Variants in MGST2 observed in about 807,000 individuals in gnomAD.
The protein encoded by MGST2 is glutathione peroxidase MGST2.
Under a neutral mutation model 16.6 loss-of-function variants are expected in MGST2, and 9 were observed. The ratio of observed to expected loss-of-function variants is 0.54; its 90% confidence interval spans 0.33 to 0.95. The LOEUF is 0.95. Among genes scored for constraint, MGST2 ranks in the 40% least tolerant of loss-of-function variants. MGST2 has a pLI of 0.03. For missense variants in MGST2, 159 were observed against 175.1 expected (o/e 0.91, Z 0.52); for synonymous variants, 79 against 68.0 (o/e 1.16, Z -0.79).
intron 5 of MGST2, among the ~76,000 whole-genome samples, chr4:139,738,523 C>T (rs1292813639): frequency 6.6e-6 from 1 of 152,054 alleles, no homozygotes; most frequent in Non-Finnish European, 1.5e-5. Flanking sequence ...AGCCTGGGCA[C>T]AATACAGCGA....
chr4:139,745,701 A>C (rs1199525789), downstream of MGST2, among the ~76,000 whole-genome samples: 1 of 152,220 alleles, frequency 6.6e-6, no homozygotes, highest in East Asian at 1.9e-4. Flanking sequence ...ATCAGGTAAA[A>C]ATAATGCTAG....
At chr4:139,728,535 T>C (rs1728568594) in intron 5 of MGST2, among the ~76,000 whole-genome samples, 1 of 152,316 alleles carries the variant, frequency 6.6e-6, no homozygotes, top group African/African-American at 2.4e-5. Context: ...TAGTGGTTTT[T>C]CCAAAATCAC....
At chr4:139,754,406 C>T in the MGST2 span, among the ~76,000 whole-genome samples, 8 of 152,198 alleles carry the variant, frequency 5.3e-5, no homozygotes, top group Non-Finnish European at 8.8e-5. Flanking sequence ...CAATGTATTT[C>T]CAACCAAAAC....
chr4:139,676,055 T>G (rs1367989696), intron 1 of MGST2, among the ~76,000 whole-genome samples: 1 of 152,144 alleles, frequency 6.6e-6, no homozygotes, highest in Non-Finnish European at 1.5e-5. Context: ...TTTGCTCTCT[T>G]TAGTGGCCCC....
At chr4:139,693,950 C>G (rs1726767997) in intron 2 of MGST2, among the ~76,000 whole-genome samples, 1 of 152,148 alleles carries the variant, frequency 6.6e-6, no homozygotes, top group South Asian at 2.1e-4. Context: ...TAAAATTTTC[C>G]ATACGTGCTT....
chr4:139,688,440 C>T (rs1463530911), intron 2 of MGST2, among the ~76,000 whole-genome samples: 1 of 152,112 alleles, frequency 6.6e-6, no homozygotes, highest in African/African-American at 2.4e-5. Context: ...CCACAAGGCA[C>T]AGGTAAGCCT....
intron 5 of MGST2, chr4:139,731,434 C>CT (rs2110991894): frequency 4.5e-5 from 1 of 22,434 alleles, no homozygotes. Context: ...CCTGTCTCTA[C>CT]TAAAAAAAAA....
intron 5 of MGST2, chr4:139,725,718 G>A (rs1481189574): frequency 1.3e-6 from 2 of 1,595,894 alleles, no homozygotes. Context: ...ACCACTGGAA[G>A]GTATAAAATG....
intron 5 of MGST2, among the ~76,000 whole-genome samples, chr4:139,733,677 A>G (rs1223144008): frequency 1.3e-5 from 2 of 151,700 alleles, no homozygotes; most frequent in African/African-American, 2.4e-5. Flanking sequence ...GAAGGGCTGT[A>G]TGTATTATTT....
downstream of MGST2, among the ~76,000 whole-genome samples, chr4:139,743,769 C>A (rs1435271994): frequency 6.6e-6 from 1 of 152,188 alleles, no homozygotes; most frequent in Non-Finnish European, 1.5e-5. Flanking sequence ...AACACTACCT[C>A]TTAATCATAT....
At chr4:139,745,824 A>G in the MGST2 span, among the ~76,000 whole-genome samples, 3 of 152,260 alleles carry the variant, frequency 2.0e-5, no homozygotes, top group African/African-American at 7.2e-5. Flanking sequence ...CAGTAGGTAT[A>G]TACTGTGAAT....
At chr4:139,710,112 G>T (rs999892092) in intron 5 of MGST2, among the ~76,000 whole-genome samples, 4 of 152,192 alleles carry the variant, frequency 2.6e-5, no homozygotes, top group Non-Finnish European at 5.9e-5. Flanking sequence ...GGTTGGAGGT[G>T]GGTGGGGTAT....
At chr4:139,669,165 G>T (rs1336191845) in intron 1 of MGST2, among the ~76,000 whole-genome samples, 1 of 152,120 alleles carries the variant, frequency 6.6e-6, no homozygotes, top group Non-Finnish European at 1.5e-5. Context: ...CGTTTTTTAG[G>T]TTAACTTTGG....
chr4:139,666,370 C>T (rs1579278912), intron 1 of MGST2, among the ~76,000 whole-genome samples: 1 of 152,092 alleles, frequency 6.6e-6, no homozygotes, highest in African/African-American at 2.4e-5. Context: ...TCTGTGATTA[C>T]GACCCACAGC....
chr4:139,667,397 G>A (rs1730422948), intron 1 of MGST2, among the ~76,000 whole-genome samples: 1 of 150,798 alleles, frequency 6.6e-6, no homozygotes, highest in Admixed American at 6.7e-5. Context: ...GTCCACAGAT[G>A]TCCCAAAGCT....
In MGST2 at chr4:139,703,366, T is replaced by C. The variant is rs549315819; in HGVS notation, c.230-89T>C. ...TAAGTATCTTGTCCAATATATGTTT[T>C]GTGAATATTTTCTCAGTCGTCGTAC... On this transcript the variant is annotated intron_variant, in intron 3 of 4. Transcript: ENST00000265498. 4 of 1,065,990 alleles carry C rather than the reference T, an allele frequency of 3.8e-6. No individual in the cohort carries two copies. The African/African-American group carries it at 6.2e-5, about 17-fold the overall frequency. The allele number at this position is 1,065,990 out of a possible 1,614,324, so 66.0% of individuals were successfully genotyped here.
chr4:139,682,085 A>G (rs1204011615), intron 2 of MGST2, among the ~76,000 whole-genome samples: 6 of 152,054 alleles, frequency 3.9e-5, no homozygotes, highest in Admixed American at 3.9e-4. Flanking sequence ...AGTCCTAGCT[A>G]CTTGGGAGGC....
chr4:139,742,048 CT>C (rs771719531), downstream of MGST2, among the ~76,000 whole-genome samples: 65 of 152,240 alleles, frequency 4.3e-4, no homozygotes, highest in Admixed American at 1.9e-3. Flanking sequence ...TAACACAGCC[CT>C]TGACTCCACG....
intron 3 of MGST2, among the ~76,000 whole-genome samples, chr4:139,697,086 G>A (rs8192106): frequency 0.013 from 2,034 of 152,190 alleles, 34 homozygotes; most frequent in Middle Eastern, 0.044. Flanking sequence ...CAGAGAAGGG[G>A]TTCTTGTTGT....
Sources: allele counts gnomAD v4.1 joint callset (sites outside exome capture counted in the v4.1 genomes callset), GRCh38; gene constraint gnomAD v4.1.1; transcripts MANE v1.5; gene names NCBI Gene and HGNC (gene_info 2026-07-23, HGNC 2026-07-21).